Variants in NCAPG2 observed in about 807,000 individuals in gnomAD.
The protein encoded by NCAPG2 is condensin-2 complex subunit G2.
Under a neutral mutation model 141.1 loss-of-function variants are expected in NCAPG2, and 53 were observed. The ratio of observed to expected loss-of-function variants is 0.38; its 90% CI spans 0.30 to 0.47. NCAPG2 has a LOEUF of 0.47. NCAPG2 is among the 20% of genes least tolerant of loss of function. NCAPG2 has a pLI of 0.99. For synonymous variants in NCAPG2, 499 were observed against 490.7 expected, an observed-to-expected ratio of 1.02 and a Z score of -0.22; for missense variants, 1,087 against 1,389.0, an observed-to-expected ratio of 0.78 and a Z score of 3.46.
Position 158,646,456 on chromosome 7 carries a change from T to C in NCAPG2, c.3179+4A>G. ...TTTCAGGACAGTAAAGAGAAAGTGA[T>C]TACCTGACCACATTCGAAGACTTTA... On this transcript the variant is annotated splice_donor_region_variant and intron_variant, in intron 25 of 27. Transcript: ENST00000356309. 6.3e-7 allele frequency: 1 copy of C among 1,591,462 alleles called. No individual in the cohort carries two copies. The highest frequency in any genetic ancestry group is 8.6e-7 in the Non-Finnish European group (1 of 1,166,280).
At chr7:158,669,144 C>A (rs1011129134) in intron 13 of NCAPG2, among the ~76,000 whole-genome samples, 1 of 152,140 alleles carries the variant, frequency 6.6e-6, no homozygotes, top group Non-Finnish European at 1.5e-5. Context: ...TATATATGTA[C>A]CACATTTTCT....
intron 19 of NCAPG2, among the ~76,000 whole-genome samples, chr7:158,655,774 G>T (rs1246243108): frequency 6.6e-6 from 1 of 152,292 alleles, no homozygotes; most frequent in Non-Finnish European, 1.5e-5. Context: ...CTTTGCTTCT[G>T]GTACAGTCAC....
chr7:158,660,158 A>G (rs1587145460), intron 16 of NCAPG2, among the ~76,000 whole-genome samples: 1 of 151,984 alleles, frequency 6.6e-6, no homozygotes, highest in East Asian at 1.9e-4. Context: ...ATGATGGCCA[A>G]TTCCATCTGT....
chr7:158,699,213 C>T (rs964358771), intron 2 of NCAPG2, among the ~76,000 whole-genome samples: 2 of 152,228 alleles, frequency 1.3e-5, no homozygotes, highest in Admixed American at 6.5e-5. Flanking sequence ...GTGTCTGGCA[C>T]ACAGAAGGCA....
At chr7:158,672,284 G>A (rs1211260183) in intron 12 of NCAPG2, among the ~76,000 whole-genome samples, 132 of 70,716 alleles carry the variant, frequency 1.9e-3, no homozygotes, top group African/African-American at 8.0e-3. Flanking sequence ...ACACATGTGT[G>A]TGTGTGTGTA....
At chr7:158,665,721 A>G (rs1832876126) in intron 13 of NCAPG2, among the ~76,000 whole-genome samples, 1 of 151,022 alleles carries the variant, frequency 6.6e-6, no homozygotes, top group Non-Finnish European at 1.5e-5. Context: ...TCCCACCTCC[A>G]CCTCCATATC....
chr7:158,688,783 A>G (rs1488724319), intron 6 of NCAPG2, among the ~76,000 whole-genome samples: 3 of 152,254 alleles, frequency 2.0e-5, no homozygotes. Flanking sequence ...CAAAGGTCTC[A>G]GTCCTAATCA....
At chr7:158,674,731 GA>G (rs1833950993) in intron 12 of NCAPG2, among the ~76,000 whole-genome samples, 1 of 152,252 alleles carries the variant, frequency 6.6e-6, no homozygotes, top group African/African-American at 2.4e-5. Context: ...GAGAGAAGAG[GA>G]AGTCACCTGC....
Position 158,646,375 on chromosome 7 carries a change from T to C in NCAPG2, c.3179+85A>G, listed in dbSNP as rs1394661045. 1.8e-5 allele frequency: 17 copies of C among 937,208 alleles called. 1 individual carries two copies. The East Asian group carries it at 3.5e-4, about 19-fold the overall frequency. 58.1% of individuals were successfully genotyped at this position (937,208 alleles called of 1,614,324 possible). A position where few individuals can be genotyped will look rare whatever the true frequency, so the allele number is the denominator to read the frequency against. On this transcript the variant is annotated intron_variant, in intron 25 of 27. Coordinates refer to ENST00000356309, the MANE Select transcript of NCAPG2 (RefSeq NM_017760.7). ...AGAAAAGAATGTAGCTTTGAAAAAC[T>C]TGAGTGTAAAAGGAATAGAACAAAA...
chr7:158,679,154 C>T (rs115689600), intron 11 of NCAPG2, among the ~76,000 whole-genome samples: 4,142 of 152,232 alleles, frequency 0.027, 179 homozygotes, highest in African/African-American at 0.093. Context: ...CTGTGCAGGC[C>T]TATTATACTA....
chr7:158,679,739 A>G (rs1834326553), intron 11 of NCAPG2, among the ~76,000 whole-genome samples: 1 of 152,234 alleles, frequency 6.6e-6, no homozygotes, highest in Non-Finnish European at 1.5e-5. Context: ...AAATAATTAA[A>G]TGTCCCAAAA....
At chr7:158,686,432 A>G (rs1448213654) in intron 7 of NCAPG2, among the ~76,000 whole-genome samples, 191 bp from the exon 8 acceptor site, 1 of 152,242 alleles carries the variant, frequency 6.6e-6, no homozygotes, top group East Asian at 1.9e-4. Flanking sequence ...TTGGGAAAGG[A>G]AACTGAAGTG....
intron 2 of NCAPG2, 31 bp from the exon 3 acceptor site, chr7:158,693,528 A>T (rs771835896): frequency 1.4e-5 from 21 of 1,547,148 alleles, no homozygotes; most frequent in Non-Finnish European, 1.8e-5. Flanking sequence ...GTCACATTTC[A>T]AATACAAAAA....
chr7:158,657,576 G>A (rs946632944), intron 17 of NCAPG2, among the ~76,000 whole-genome samples: 1 of 152,216 alleles, frequency 6.6e-6, no homozygotes, highest in African/African-American at 2.4e-5. Flanking sequence ...CGGGAGGTGA[G>A]GGGTGCCTCT....
intron 27 of NCAPG2, among the ~76,000 whole-genome samples, chr7:158,632,547 A>C (rs1382426109): frequency 6.6e-6 from 1 of 151,968 alleles, no homozygotes; most frequent in Admixed American, 6.6e-5. Flanking sequence ...TCTACCTTTC[A>C]CTCCAAATGA....
chr7:158,651,152 A>G (rs1293974781), intron 23 of NCAPG2, among the ~76,000 whole-genome samples, 180 bp from the exon 24 acceptor site: 3 of 152,158 alleles, frequency 2.0e-5, no homozygotes, highest in South Asian at 4.1e-4. Flanking sequence ...CAAACCTCCT[A>G]TGCACCACGG....
At chr7:158,675,790 A>T in intron 11 of NCAPG2, 134 bp from the exon 12 acceptor site, 1 of 890,010 alleles carries the variant, frequency 1.1e-6, no homozygotes, top group Non-Finnish European at 1.7e-6. Flanking sequence ...ACACATATGG[A>T]TTCCTAGACC....
intron 13 of NCAPG2, among the ~76,000 whole-genome samples, chr7:158,666,309 G>A (rs1163330283): frequency 1.3e-5 from 2 of 152,232 alleles, no homozygotes; most frequent in East Asian, 1.9e-4. Flanking sequence ...CAGCCCCAAC[G>A]GGTGGTTACT....
At chr7:158,639,973 A>G (rs1006817450) in intron 27 of NCAPG2, 2 of 404,664 alleles carry the variant, frequency 4.9e-6, no homozygotes, top group Non-Finnish European at 6.7e-6. Flanking sequence ...GAAGAGAGAA[A>G]GGAACAGAAG....
Sources: gnomAD v4.1 joint callset for allele counts (sites outside exome capture counted in the v4.1 genomes callset) on GRCh38, gnomAD v4.1.1 for gene constraint, MANE v1.5 for transcripts, NCBI Gene and HGNC (gene_info 2026-07-23, HGNC 2026-07-21) for gene names.